PLCB1: variants seen among roughly 807,000 people sequenced by gnomAD.
PLCB1 encodes the protein phospholipase C beta 1, also known as 1-phosphatidylinositol 4,5-bisphosphate phosphodiesterase beta-1.
PLCB1 carries 46 observed loss-of-function variants against 161.8 expected under a neutral mutation model. The observed-to-expected ratio is 0.28, with a 90% confidence interval of 0.22 to 0.36. PLCB1 has a LOEUF of 0.36. Among genes scored for constraint, PLCB1 ranks in the 10% least tolerant of loss-of-function variants. The pLI, the probability that PLCB1 is intolerant of heterozygous loss-of-function variation, is 1.00. For missense variants in PLCB1, 1,016 were observed against 1,472.5 expected (o/e 0.69, Z 5.07); for synonymous variants, 517 against 503.7 (o/e 1.03, Z -0.35).
chr20:8,375,751 TTCC>T (rs1987053686), intron 3 of PLCB1, among the ~76,000 whole-genome samples: 1 of 152,088 alleles, frequency 6.6e-6, no homozygotes, highest in Non-Finnish European at 1.5e-5. Context: ...GCATCTCTAC[TTCC>T]TCATCTATGA....
intron 3 of PLCB1, among the ~76,000 whole-genome samples, chr20:8,613,374 G>T (rs764531335): frequency 3.3e-5 from 5 of 152,176 alleles, no homozygotes; most frequent in Non-Finnish European, 7.3e-5. Flanking sequence ...TTTAACAATG[G>T]ACAACATTTG....
At chr20:8,555,302 A>G (rs1019929798) in intron 3 of PLCB1, among the ~76,000 whole-genome samples, 4 of 152,104 alleles carry the variant, frequency 2.6e-5, no homozygotes, top group Non-Finnish European at 5.9e-5. Context: ...GGATCATGAT[A>G]CTAAGTCAAT....
chr20:8,855,327 TG>T lies in PLCB1; in HGVS notation c.3424-26294del, dbSNP rs1368690068. Among the ~76,000 whole-genome samples the T allele has an allele frequency of 2.0e-5, 3 of 152,064 alleles. No homozygotes were observed. The East Asian group carries it at 5.8e-4, about 29-fold the overall frequency. On this transcript the variant is annotated intron_variant, in intron 31 of 31. Transcript: ENST00000338037. ...TCAGAAATAAGAAATGGGAGAAGAA[TG>T]CCATTATTTCCATTCTAACTCTTTG...
At chr20:8,391,134 T>C (rs1370865521) in intron 3 of PLCB1, among the ~76,000 whole-genome samples, 1 of 152,068 alleles carries the variant, frequency 6.6e-6, no homozygotes, top group Non-Finnish European at 1.5e-5. Flanking sequence ...CTAATATAGA[T>C]TGTCACTATA....
At chr20:8,819,376 C>G (rs2074812581) in intron 31 of PLCB1, among the ~76,000 whole-genome samples, 1 of 151,964 alleles carries the variant, frequency 6.6e-6, no homozygotes, top group African/African-American at 2.4e-5. Context: ...TATGTGGTTT[C>G]AAGAATTAAA....
intron 2 of PLCB1, among the ~76,000 whole-genome samples, chr20:8,184,372 G>T (rs891680399): frequency 6.6e-6 from 1 of 152,096 alleles, no homozygotes; most frequent in African/African-American, 2.4e-5. Flanking sequence ...CATAAGAAAT[G>T]ATTATGAAGA....
intron 11 of PLCB1, among the ~76,000 whole-genome samples, chr20:8,703,869 C>T (rs569078428): frequency 1.6e-4 from 24 of 152,202 alleles, no homozygotes; most frequent in South Asian, 6.2e-4. Context: ...AAGGAAGATA[C>T]GAGAGAGATT....
At chr20:8,636,443 T>C (rs1340677740) in intron 4 of PLCB1, among the ~76,000 whole-genome samples, 3 of 152,234 alleles carry the variant, frequency 2.0e-5, no homozygotes, top group African/African-American at 7.2e-5. Flanking sequence ...ATTTTGGATA[T>C]GTGTCAGGCA....
chr20:8,459,102 T>C lies in PLCB1; in HGVS notation c.246+87652T>C, dbSNP rs970283970. Among the ~76,000 whole-genome samples, 3 of 152,340 alleles carry C rather than the reference T, an allele frequency of 2.0e-5. No homozygotes were observed. The East Asian group carries it at 5.8e-4, about 29-fold the overall frequency. On this transcript the variant is annotated intron_variant, in intron 3 of 31. Coordinates refer to ENST00000338037, the MANE Select transcript of PLCB1 (RefSeq NM_015192.4). Reference sequence around the variant, plus strand: ...GGGGAGAAAGTGATGGTGGTACTTATTCATATCCATTTTTGTAGAAAAACA... The same window carrying C: ...GGGGAGAAAGTGATGGTGGTACTTACTCATATCCATTTTTGTAGAAAAACA...
intron 3 of PLCB1, among the ~76,000 whole-genome samples, chr20:8,551,900 G>T (rs1000592439): frequency 2.6e-5 from 4 of 152,146 alleles, no homozygotes; most frequent in Admixed American, 1.3e-4. Flanking sequence ...CTGTAAAAGG[G>T]TCTGCTTCAA....
At chr20:8,881,585 AC>A (rs1420452519) in intron 31 of PLCB1, 36 bp from the exon 32 acceptor site, 2 of 1,516,106 alleles carry the variant, frequency 1.3e-6, no homozygotes, top group African/African-American at 1.4e-5. Context: ...AGAAACATAA[AC>A]AACTTCAAGT....
intron 9 of PLCB1, among the ~76,000 whole-genome samples, chr20:8,666,423 A>G (rs1018647244): frequency 6.6e-5 from 10 of 152,112 alleles, no homozygotes; most frequent in Non-Finnish European, 1.2e-4. Context: ...CATTGAGAGA[A>G]AAAAAAATGG....
At chr20:8,320,632 C>A (rs1984867093) in intron 2 of PLCB1, among the ~76,000 whole-genome samples, 2 of 152,160 alleles carry the variant, frequency 1.3e-5, no homozygotes, top group Non-Finnish European at 2.9e-5. Context: ...CAAACCATGA[C>A]TTGCATGTTG....
chr20:8,658,431 C>T, intron 8 of PLCB1, 107 bp from the exon 9 acceptor site: 2 of 821,890 alleles, frequency 2.4e-6, no homozygotes, highest in East Asian at 2.7e-5. Flanking sequence ...TTCAATATAG[C>T]ATTTTCTTAT....
intron 3 of PLCB1, among the ~76,000 whole-genome samples, chr20:8,486,481 ATTTTTTTTTTTTTT>A (rs71183092): frequency 1.2e-5 from 1 of 85,808 alleles, no homozygotes; most frequent in African/African-American, 4.6e-5. Context: ...ATTCCAAAAT[ATTTTTTTTTTTTTT>A]TTTTTTTTTT....
At chr20:8,849,395 G>A (rs916275010) in intron 31 of PLCB1, among the ~76,000 whole-genome samples, 5 of 152,172 alleles carry the variant, frequency 3.3e-5, no homozygotes, top group African/African-American at 1.2e-4. Context: ...ACCAAGCAGG[G>A]CCGGGTGCGG....
intron 2 of PLCB1, among the ~76,000 whole-genome samples, chr20:8,276,484 T>C (rs1317100448): frequency 1.3e-5 from 2 of 152,196 alleles, no homozygotes; most frequent in Admixed American, 1.3e-4. Context: ...ACTTAATACA[T>C]ATTATCTGTG....
intron 26 of PLCB1, among the ~76,000 whole-genome samples, chr20:8,770,302 T>C (rs1363417529): frequency 6.6e-6 from 1 of 152,198 alleles, no homozygotes; most frequent in Non-Finnish European, 1.5e-5. Flanking sequence ...ATCTAGGTGA[T>C]ATTTGTCACT....
At chr20:8,622,034 G>A (rs944261758) in intron 3 of PLCB1, among the ~76,000 whole-genome samples, 1 of 152,090 alleles carries the variant, frequency 6.6e-6, no homozygotes, top group Non-Finnish European at 1.5e-5. Context: ...GAGGCAGGCG[G>A]ATCACGAGGT....
Sources: allele counts gnomAD v4.1 joint callset (sites outside exome capture counted in the v4.1 genomes callset), GRCh38; gene constraint gnomAD v4.1.1; transcripts MANE v1.5; gene names NCBI Gene and HGNC (gene_info 2026-07-23, HGNC 2026-07-21).